The following CCDC91 variants were observed in gnomAD, a reference collection of about 807,000 sequenced individuals.
The protein encoded by CCDC91 is coiled-coil domain-containing protein 91.
A neutral mutation model predicts 63.2 loss-of-function variants in CCDC91; 48 were observed. The observed-to-expected ratio is 0.76, with a 90% CI of 0.60 to 0.97. The LOEUF is 0.97. Among genes scored for constraint, CCDC91 ranks in the 50% least tolerant of loss-of-function variants. The pLI is 0.00. For synonymous variants in CCDC91, 167 were observed against 165.8 expected, an observed-to-expected ratio of 1.01 and a Z score of -0.06; for missense variants, 500 against 494.6, an observed-to-expected ratio of 1.01 and a Z score of -0.10.
In CCDC91 at chr12:28,333,982, A is replaced by G. The variant is rs527964207; in HGVS notation, c.576+26233A>G. Among the ~76,000 whole-genome samples the G allele has an allele frequency of 1.1e-4, 17 of 152,268 alleles. No individual in the cohort carries two copies. The East Asian group carries it at 2.7e-3, about 24-fold the overall frequency. ...TATTTTGGTTTGTTTTTGTACTTACATGACAGACTTCTGTGCTTATCTTTT... is the reference window on the plus strand; with the variant it reads ...TATTTTGGTTTGTTTTTGTACTTACGTGACAGACTTCTGTGCTTATCTTTT... On this transcript the variant is annotated intron_variant, in intron 6 of 12. Transcript: ENST00000536442.
chr12:28,437,910 A>AT (rs1289555870), intron 8 of CCDC91, among the ~76,000 whole-genome samples: 2 of 152,034 alleles, frequency 1.3e-5, no homozygotes, highest in Non-Finnish European at 2.9e-5. Flanking sequence ...TAAAGGTCTG[A>AT]TTCTAACTGT....
At chr12:28,301,925 C>A (rs1938120962) in intron 3 of CCDC91, among the ~76,000 whole-genome samples, 1 of 151,492 alleles carries the variant, frequency 6.6e-6, no homozygotes, top group South Asian at 2.1e-4. Context: ...TATTTGAGTT[C>A]TTTCCCTTTT....
At chr12:28,329,614 GATT>G (rs1025418609) in intron 6 of CCDC91, among the ~76,000 whole-genome samples, 1 of 152,000 alleles carries the variant, frequency 6.6e-6, no homozygotes, top group African/African-American at 2.4e-5. Context: ...CATTATTAAG[GATT>G]ATTATTTTTT....
chr12:28,352,258 G>A (rs1292797691), intron 6 of CCDC91, among the ~76,000 whole-genome samples: 1 of 152,214 alleles, frequency 6.6e-6, no homozygotes, highest in South Asian at 2.1e-4. Context: ...GGTGGTGGTT[G>A]CTGAAGGTTG....
At chr12:28,440,722 TA>T (rs1019851125) in intron 8 of CCDC91, among the ~76,000 whole-genome samples, 2 of 151,446 alleles carry the variant, frequency 1.3e-5, no homozygotes, top group Non-Finnish European at 2.9e-5. Flanking sequence ...AAATCAGTAA[TA>T]AAAAAAGAGA....
intron 6 of CCDC91, among the ~76,000 whole-genome samples, chr12:28,329,495 A>G (rs1261605075): frequency 6.6e-6 from 1 of 152,176 alleles, no homozygotes; most frequent in African/African-American, 2.4e-5. Context: ...GATAAGGTCT[A>G]CATATACTTG....
intron 3 of CCDC91, among the ~76,000 whole-genome samples, chr12:28,287,842 T>C (rs1412932278): frequency 6.6e-6 from 1 of 152,240 alleles, no homozygotes; most frequent in African/African-American, 2.4e-5. Flanking sequence ...GAGTGTGGAA[T>C]GCTTTTGCAT....
At chr12:28,335,257 CATATA>C (rs1445385996) in intron 6 of CCDC91, among the ~76,000 whole-genome samples, 9 of 129,614 alleles carry the variant, frequency 6.9e-5, no homozygotes, top group South Asian at 2.3e-4. Context: ...ATATATAATA[CATATA>C]ATATATAATA....
chr12:28,525,330 A>G (rs1410647415), intron 12 of CCDC91, among the ~76,000 whole-genome samples: 1 of 152,038 alleles, frequency 6.6e-6, no homozygotes, highest in Non-Finnish European at 1.5e-5. Context: ...AAGAGTTTTT[A>G]ATTTCCATCA....
At chr12:28,389,159 C>G (rs1945787383) in intron 7 of CCDC91, among the ~76,000 whole-genome samples, 1 of 152,050 alleles carries the variant, frequency 6.6e-6, no homozygotes, top group Non-Finnish European at 1.5e-5. Flanking sequence ...ACTGAATGTT[C>G]TTTGTGTATA....
At chr12:28,230,492 A>G (rs1944520498) in intron 1 of CCDC91, among the ~76,000 whole-genome samples, 1 of 152,230 alleles carries the variant, frequency 6.6e-6, no homozygotes, top group Non-Finnish European at 1.5e-5. Flanking sequence ...CAATAGCTAC[A>G]TGCATATTTC....
At chr12:28,311,596 C>T (rs906253044) in intron 6 of CCDC91, among the ~76,000 whole-genome samples, 1 of 151,986 alleles carries the variant, frequency 6.6e-6, no homozygotes, top group African/African-American at 2.4e-5. Context: ...TTTTCAGTGT[C>T]CTATAGGGAC....
At chr12:28,346,344 G>C (rs1592377878) in intron 6 of CCDC91, among the ~76,000 whole-genome samples, 1 of 152,144 alleles carries the variant, frequency 6.6e-6, no homozygotes, top group Non-Finnish European at 1.5e-5. Flanking sequence ...TTACAGTTCG[G>C]TTTTGGGTTT....
intron 11 of CCDC91, among the ~76,000 whole-genome samples, chr12:28,475,975 T>C (rs1237400698): frequency 6.6e-6 from 1 of 151,984 alleles, no homozygotes; most frequent in Non-Finnish European, 1.5e-5. Flanking sequence ...GGGTTGCTTG[T>C]TACAGACACT....
chr12:28,242,014 A>AAG (rs1555164976), intron 1 of CCDC91, among the ~76,000 whole-genome samples: 1 of 151,426 alleles, frequency 6.6e-6, no homozygotes, highest in Non-Finnish European at 1.5e-5. Context: ...AAAAAAAAAA[A>AAG]AACGAAACAA....
At chr12:28,434,053 A>C (rs1183517428) in intron 8 of CCDC91, among the ~76,000 whole-genome samples, 1 of 151,810 alleles carries the variant, frequency 6.6e-6, no homozygotes, top group East Asian at 1.9e-4. Flanking sequence ...TGCGCTGTGC[A>C]CCCTTACTAT....
At chr12:28,518,519 T>C (rs1020029054) in intron 12 of CCDC91, among the ~76,000 whole-genome samples, 1 of 152,040 alleles carries the variant, frequency 6.6e-6, no homozygotes, top group African/African-American at 2.4e-5. Flanking sequence ...TTCTTACTAA[T>C]TTTTTTGAGT....
At chr12:28,289,607 C>T (rs1262508573) in intron 3 of CCDC91, among the ~76,000 whole-genome samples, 2 of 150,692 alleles carry the variant, frequency 1.3e-5, no homozygotes, top group Non-Finnish European at 2.9e-5. Context: ...ATTGTGTGGT[C>T]AGTTTCAGAA....
At chr12:28,243,150 C>T (rs1277040741) in intron 1 of CCDC91, among the ~76,000 whole-genome samples, 2 of 152,108 alleles carry the variant, frequency 1.3e-5, no homozygotes, top group African/African-American at 2.4e-5. Flanking sequence ...ACTTCATTTC[C>T]TTGGTCACGC....
Sources: gnomAD v4.1 joint callset for allele counts (sites outside exome capture counted in the v4.1 genomes callset) on GRCh38, gnomAD v4.1.1 for gene constraint, MANE v1.5 for transcripts, NCBI Gene and HGNC (gene_info 2026-07-23, HGNC 2026-07-21) for gene names.